Variants in CDYL2 observed in about 807,000 individuals in gnomAD.
CDYL2 encodes chromodomain Y like 2, also known as chromodomain Y-like protein 2.
Under a neutral mutation model 49.4 loss-of-function variants are expected in CDYL2, and 23 were observed. The ratio of observed to expected loss-of-function variants is 0.47; its 90% confidence interval spans 0.34 to 0.66. The LOEUF (loss-of-function observed/expected upper bound fraction) is 0.66. CDYL2 is among the 30% of genes least tolerant of loss of function. CDYL2 has a pLI of 0.01. For missense variants in CDYL2, 678 were observed against 656.4 expected, an observed-to-expected ratio of 1.03 and a Z score of -0.36; for synonymous variants, 360 against 268.8, an observed-to-expected ratio of 1.34 and a Z score of -3.32.
chr16:80,758,541 C>CA (rs764728730), intron 1 of CDYL2, among the ~76,000 whole-genome samples: 1 of 117,094 alleles, frequency 8.5e-6, no homozygotes, highest in African/African-American at 3.2e-5. Context: ...TGCTGCAGCA[C>CA]TTTTTTTTTT....
rs772011928 is a variant in CDYL2 at position 80,604,380 on chromosome 16, G to A, written c.*8C>T. 38 of 1,613,744 alleles carry A rather than the reference G, an allele frequency of 2.4e-5. 1 individual carries two copies. The Admixed American group carries it at 5.0e-4, about 21-fold the overall frequency. ...GCTGGAAGTTGGGGGCCCGTGAGCT[G>A]GGGCCCCTCAGACTTCATAAATTTT... On this transcript the variant is annotated 3_prime_UTR_variant, in exon 7 of 7. Coordinates refer to ENST00000570137, the MANE Select transcript of CDYL2 (RefSeq NM_152342.4).
chr16:80,690,733 G>A (rs892318963), intron 1 of CDYL2, among the ~76,000 whole-genome samples: 2 of 152,104 alleles, frequency 1.3e-5, no homozygotes, highest in Non-Finnish European at 2.9e-5. Context: ...TTGAAGTCCT[G>A]AAGCATCTTT....
chr16:80,783,920 T>C (rs1597132236), intron 1 of CDYL2, among the ~76,000 whole-genome samples: 1 of 152,340 alleles, frequency 6.6e-6, no homozygotes, highest in East Asian at 1.9e-4. Flanking sequence ...TGACACTTAA[T>C]AGGCATGCGG....
intron 2 of CDYL2, among the ~76,000 whole-genome samples, chr16:80,639,502 G>A (rs931674398): frequency 6.6e-6 from 1 of 152,126 alleles, no homozygotes; most frequent in Non-Finnish European, 1.5e-5. Flanking sequence ...TTCATAATAT[G>A]CAACATTATT....
intron 2 of CDYL2, among the ~76,000 whole-genome samples, chr16:80,647,354 A>T (rs962957171): frequency 3.3e-5 from 5 of 152,296 alleles, no homozygotes; most frequent in African/African-American, 7.2e-5. Flanking sequence ...AATAGAAAAA[A>T]ACAAAATTTA....
intron 1 of CDYL2, among the ~76,000 whole-genome samples, chr16:80,782,146 G>A (rs750143301): frequency 1.3e-5 from 2 of 151,500 alleles, no homozygotes; most frequent in African/African-American, 2.4e-5. Context: ...AATGAAGAAG[G>A]CTCAATGAGA....
At chr16:80,729,729 A>G (rs2142537356) in intron 1 of CDYL2, among the ~76,000 whole-genome samples, 1 of 152,336 alleles carries the variant, frequency 6.6e-6, no homozygotes, top group Admixed American at 6.5e-5. Context: ...AATATAAAAG[A>G]ACAGAAATTA....
chr16:80,668,766 G>T (rs1027559099), intron 2 of CDYL2, among the ~76,000 whole-genome samples: 1 of 151,948 alleles, frequency 6.6e-6, no homozygotes, highest in African/African-American at 2.4e-5. Flanking sequence ...AGGCACGGGG[G>T]TGGGCACCTG....
intron 2 of CDYL2, among the ~76,000 whole-genome samples, chr16:80,648,140 A>G (rs1404055750): frequency 6.6e-5 from 10 of 152,124 alleles, no homozygotes; most frequent in African/African-American, 2.4e-4. Flanking sequence ...AAATTAGTAG[A>G]TGAAAAAAAT....
At chr16:80,635,700 T>C (rs1393664761) in intron 2 of CDYL2, among the ~76,000 whole-genome samples, 1 of 152,156 alleles carries the variant, frequency 6.6e-6, no homozygotes, top group African/African-American at 2.4e-5. Context: ...CTTTACAGAA[T>C]TAGAAAAAAT....
At chr16:80,724,942 C>G (rs776140085) in intron 1 of CDYL2, among the ~76,000 whole-genome samples, 1 of 152,168 alleles carries the variant, frequency 6.6e-6, no homozygotes, top group African/African-American at 2.4e-5. Flanking sequence ...GTCCTCAAAC[C>G]CTTTGGTGGT....
At chr16:80,712,509 G>A (rs373246206) in intron 1 of CDYL2, among the ~76,000 whole-genome samples, 4 of 152,168 alleles carry the variant, frequency 2.6e-5, no homozygotes, top group African/African-American at 7.2e-5. Flanking sequence ...CCTCTCAGAT[G>A]TGAATGAGGC....
chr16:80,787,066 A>G (rs1395963261), intron 1 of CDYL2, among the ~76,000 whole-genome samples: 1 of 152,064 alleles, frequency 6.6e-6, no homozygotes, highest in Non-Finnish European at 1.5e-5. Flanking sequence ...CCTAAAGTAC[A>G]ATTTAAAAAA....
chr16:80,789,262 C>G (rs1907532881), intron 1 of CDYL2, among the ~76,000 whole-genome samples: 1 of 152,230 alleles, frequency 6.6e-6, no homozygotes, highest in South Asian at 2.1e-4. Flanking sequence ...CCCAGCAATC[C>G]CATTACTGGG....
rs201069122 is a variant in CDYL2 at position 80,684,846 on chromosome 16, G to T, written c.308C>A (p.Ser103Tyr). 1 of 1,614,126 alleles carries T rather than the reference G, an allele frequency of 6.2e-7. No homozygotes were observed. The highest frequency in any genetic ancestry group is 8.5e-7 in the Non-Finnish European group (1 of 1,180,030). The change falls in exon 2 of 7, where the codon TCC becomes TAC. Residue 103 changes from serine to tyrosine, a missense_variant. Coordinates refer to ENST00000570137, the MANE Select transcript of CDYL2 (RefSeq NM_152342.4). The stretch of plus-strand genomic sequence containing the variant: ...AGGGTTAATTCGCTTCCGTTTATGG[G>T]AGGTCCCCTTGCTCTTTCCAGGATC... ...PSDPGKSKGT[S>Y]HKRKRINPPL...
intron 1 of CDYL2, among the ~76,000 whole-genome samples, chr16:80,762,908 A>G (rs1339567245): frequency 6.6e-6 from 1 of 152,240 alleles, no homozygotes; most frequent in Admixed American, 6.5e-5. Flanking sequence ...CATGAGCTAC[A>G]GTACTGCTGG....
chr16:80,683,022 T>C (rs558676187), intron 2 of CDYL2, among the ~76,000 whole-genome samples: 1 of 152,100 alleles, frequency 6.6e-6, no homozygotes, highest in South Asian at 2.1e-4. Context: ...TCAGCAAGAG[T>C]ACCTAAAGAC....
At chr16:80,802,540 C>T (rs557727812) in intron 1 of CDYL2, among the ~76,000 whole-genome samples, 2 of 152,342 alleles carry the variant, frequency 1.3e-5, no homozygotes, top group East Asian at 3.9e-4. Flanking sequence ...TTCACAAGAT[C>T]TCTATCCAAC....
chr16:80,752,210 ATAGGT>A (rs1380955754), intron 1 of CDYL2, among the ~76,000 whole-genome samples: 1 of 152,210 alleles, frequency 6.6e-6, no homozygotes, highest in Non-Finnish European at 1.5e-5. Context: ...AAAATGAATG[ATAGGT>A]TAGAAGACAA....
Sources: allele counts gnomAD v4.1 joint callset (sites outside exome capture counted in the v4.1 genomes callset), GRCh38; gene constraint gnomAD v4.1.1; transcripts MANE v1.5; gene names NCBI Gene and HGNC (gene_info 2026-07-23, HGNC 2026-07-21).